RNLS: variants seen among roughly 807,000 people sequenced by gnomAD.
RNLS encodes the protein renalase, FAD dependent amine oxidase, also known as renalase.
Under a neutral mutation model 39.8 loss-of-function variants are expected in RNLS, and 39 were observed. The ratio of observed to expected loss-of-function variants is 0.98; its 90% CI spans 0.76 to 1.28. RNLS has a LOEUF of 1.28. RNLS is among the 50% of genes most tolerant of loss of function. The pLI, the probability that RNLS is intolerant of heterozygous loss-of-function variation, is 0.00. For missense variants in RNLS, 410 were observed against 413.3 expected, an observed-to-expected ratio of 0.99 and a Z score of 0.07; for synonymous variants, 147 against 150.7, an observed-to-expected ratio of 0.98 and a Z score of 0.18.
At chr10:88,335,985 G>A (rs983305314) in intron 5 of RNLS, among the ~76,000 whole-genome samples, 1 of 152,218 alleles carries the variant, frequency 6.6e-6, no homozygotes, top group African/African-American at 2.4e-5. Flanking sequence ...ATGAATGAAT[G>A]AGGTATCAGT....
At chr10:88,357,707 CTG>C (rs1189615259) in intron 5 of RNLS, among the ~76,000 whole-genome samples, 1 of 152,162 alleles carries the variant, frequency 6.6e-6, no homozygotes, top group Non-Finnish European at 1.5e-5. Flanking sequence ...GGTCACATAA[CTG>C]TGTCCTAACC....
chr10:88,471,156 G>T (rs755344637), intron 4 of RNLS, among the ~76,000 whole-genome samples: 2 of 152,094 alleles, frequency 1.3e-5, no homozygotes, highest in Admixed American at 6.6e-5. Flanking sequence ...CACAAGGCTG[G>T]AACAGAATGT....
At chr10:88,233,968 C>T in the RNLS span, among the ~76,000 whole-genome samples, 1 of 150,448 alleles carries the variant, frequency 6.6e-6, no homozygotes, top group African/African-American at 2.5e-5. Flanking sequence ...CACTGAAGTT[C>T]CTGGAAACCG....
At chr10:88,279,865 T>C (rs1842947524), downstream of RNLS, among the ~76,000 whole-genome samples, 4 of 152,170 alleles carry the variant, frequency 2.6e-5, no homozygotes, top group Admixed American at 2.6e-4. Flanking sequence ...GTCTACTTAC[T>C]CACTGTAGTT....
chr10:88,388,640 C>G (rs186948193), intron 4 of RNLS, among the ~76,000 whole-genome samples: 5 of 152,328 alleles, frequency 3.3e-5, no homozygotes, highest in African/African-American at 1.2e-4. Flanking sequence ...GACAGTCCTA[C>G]TCTCACAAGC....
chr10:88,379,951 T>TTGAG (rs1378426321), intron 4 of RNLS, among the ~76,000 whole-genome samples: 1 of 152,142 alleles, frequency 6.6e-6, no homozygotes, highest in South Asian at 2.1e-4. Flanking sequence ...CTCCCAGCTT[T>TTGAG]TGAGTCTTTC....
chr10:88,550,697 AC>A (rs1192159818), intron 4 of RNLS, among the ~76,000 whole-genome samples: 1 of 152,236 alleles, frequency 6.6e-6, no homozygotes, highest in Non-Finnish European at 1.5e-5. Flanking sequence ...TCACTCACCC[AC>A]ATTAACATTT....
chr10:88,428,659 G>T (rs540017696), intron 4 of RNLS, among the ~76,000 whole-genome samples: 4 of 152,070 alleles, frequency 2.6e-5, no homozygotes, highest in African/African-American at 9.6e-5. Flanking sequence ...TTTACCCCTG[G>T]GGTATGTGGC....
chr10:88,294,949 G>A (rs767435476), intron 6 of RNLS, among the ~76,000 whole-genome samples: 3 of 151,664 alleles, frequency 2.0e-5, no homozygotes, highest in Non-Finnish European at 2.9e-5. Context: ...AAATAACCAT[G>A]CTATTAACCA....
At chr10:88,276,908 C>G (rs1264988255) in intron 6 of RNLS, among the ~76,000 whole-genome samples, 1 of 152,152 alleles carries the variant, frequency 6.6e-6, no homozygotes, top group Non-Finnish European at 1.5e-5. Context: ...CTCCCTTGTT[C>G]AAATGTTTCA....
chr10:88,284,697 T>C lies in RNLS; in HGVS notation c.*657A>G. Reference sequence around the variant, plus strand: ...TCTTTCATATTAGGACTGGAATTTGTTTGAAAGTTAAAAAGTACTGTGTGG... The same window carrying C: ...TCTTTCATATTAGGACTGGAATTTGCTTGAAAGTTAAAAAGTACTGTGTGG... On this transcript the variant is annotated 3_prime_UTR_variant, in exon 7 of 7. Transcript: ENST00000331772. The C allele has an allele frequency of 1.0e-6, 1 of 985,344 alleles. No homozygotes were observed. The highest frequency in any genetic ancestry group is 1.2e-6 in the Non-Finnish European group (1 of 829,896). 61.0% of individuals were successfully genotyped at this position (985,344 alleles called of 1,614,324 possible).
At chr10:88,572,808 T>A in intron 4 of RNLS, 95 bp downstream of exon 4, 1 of 1,270,280 alleles carries the variant, frequency 7.9e-7, no homozygotes, top group Non-Finnish European at 1.1e-6. Context: ...ATAGAGTCTA[T>A]CACTTGTCCT....
In RNLS at chr10:88,581,597, A is replaced by G; in HGVS notation, c.337T>C (p.Ser113Pro). 1 of 1,605,112 alleles carries G rather than the reference A, an allele frequency of 6.2e-7. No homozygotes were observed. The highest frequency in any genetic ancestry group is 1.7e-4 in the Middle Eastern group (1 of 6,026). ...CNFVAPQGIS[S>P]IIKHYLKESG... ...TCTTTCAAGTAATGCTTAATAATTG[A>G]AGAAATTCCTTGAGGTGCCACAAAG... is the stretch of plus-strand genomic sequence containing the variant. The change falls in exon 3 of 7, where the codon TCA becomes CCA. Residue 113 changes from serine (S) to proline (P), a missense_variant. Coordinates refer to ENST00000331772, the MANE Select transcript of RNLS (RefSeq NM_001031709.3).
chr10:88,570,390 G>A (rs1049519490), intron 4 of RNLS, among the ~76,000 whole-genome samples: 14 of 152,064 alleles, frequency 9.2e-5, no homozygotes, highest in East Asian at 7.7e-4. Flanking sequence ...GAAGTAATAC[G>A]GACCAGTGAA....
the RNLS span, among the ~76,000 whole-genome samples, chr10:88,249,695 A>G: frequency 6.6e-6 from 1 of 152,170 alleles, no homozygotes; most frequent in African/African-American, 2.4e-5. Flanking sequence ...GATTCCTTAC[A>G]GTGTGACAGC....
chr10:88,229,410 C>T, the RNLS span, among the ~76,000 whole-genome samples: 165 of 152,226 alleles, frequency 1.1e-3, 1 homozygote, highest in African/African-American at 3.5e-3. Context: ...GGAAAAGTAG[C>T]CAACTTTCTT....
intron 1 of RNLS, 114 bp downstream of exon 1, chr10:88,582,959 G>A: frequency 8.1e-7 from 1 of 1,232,534 alleles, no homozygotes. Flanking sequence ...GGCCGCTCAG[G>A]GAGCTGAGGG....
At chr10:88,367,865 T>C (rs556791083) in intron 4 of RNLS, among the ~76,000 whole-genome samples, 1 of 152,262 alleles carries the variant, frequency 6.6e-6, no homozygotes, top group African/African-American at 2.4e-5. Context: ...CTTTTTCTTA[T>C]TGTGATATAG....
At chr10:88,502,254 C>T (rs1029984306) in intron 4 of RNLS, among the ~76,000 whole-genome samples, 14 of 148,200 alleles carry the variant, frequency 9.4e-5, no homozygotes, top group African/African-American at 3.5e-4. Context: ...GAAATTTGAT[C>T]CCCAATGTGG....
Sources: gnomAD v4.1 joint callset for allele counts (sites outside exome capture counted in the v4.1 genomes callset) on GRCh38, gnomAD v4.1.1 for gene constraint, MANE v1.5 for transcripts, NCBI Gene and HGNC (gene_info 2026-07-23, HGNC 2026-07-21) for gene names.